The following PSD3 variants were observed in gnomAD, a reference collection of about 807,000 sequenced individuals.
The protein encoded by PSD3 is PH and SEC7 domain-containing protein 3.
A neutral mutation model predicts 105.5 loss-of-function variants in PSD3; 49 were observed. The ratio of observed to expected loss-of-function variants is 0.46; its 90% CI spans 0.37 to 0.59. PSD3 has a LOEUF of 0.59. Ranked by LOEUF, PSD3 falls within the 20% of genes least tolerant of loss-of-function variation. PSD3 has a pLI of 0.00. For synonymous variants in PSD3, 557 were observed against 457.8 expected (o/e 1.22, Z -2.77); for missense variants, 1,561 against 1,263.8 (o/e 1.24, Z -3.57).
At chr8:19,015,798 A>G (rs779169065), upstream of PSD3, among the ~76,000 whole-genome samples, 3 of 152,238 alleles carry the variant, frequency 2.0e-5, no homozygotes, top group Non-Finnish European at 4.4e-5. Flanking sequence ...CCTATAGTGA[A>G]TGTTCAATAG....
In PSD3 at chr8:18,594,195, C is replaced by CATATTATATAATATATATTATAT. The variant is rs1803853338; in HGVS notation, c.2481+6168_2481+6169insATATAATATATATTATATAATAT. ...ATTATATAATATATATTATTATATA[C>CATATTATATAATATATATTATAT]ATATTATATAATATATATTATTATA... On this transcript the variant is annotated intron_variant, in intron 12 of 15. Transcript: ENST00000327040. 3.7e-3 allele frequency among the ~76,000 whole-genome samples: 44 copies of CATATTATATAATATATATTATAT among 11,762 alleles called. 5 individuals are homozygous for CATATTATATAATATATATTATAT. Among genetic ancestry groups the CATATTATATAATATATATTATAT allele is most frequent in the African/African-American group, 0.014 (41 of 3,010 alleles). The allele number at this position is 11,762 out of a possible 152,430, so 7.7% of individuals were successfully genotyped here.
chr8:18,535,566 A>G lies in PSD3; in HGVS notation c.*177T>C, dbSNP rs1034326792. 1 of 613,290 alleles carries G rather than the reference A, an allele frequency of 1.6e-6. No individual in the cohort carries two copies. The highest frequency in any genetic ancestry group is 3.0e-5 in the Admixed American group (1 of 33,148). The allele number at this position is 613,290 out of a possible 1,614,324, so 38.0% of individuals were successfully genotyped here. A position where few individuals can be genotyped will look rare whatever the true frequency, so the allele number is the denominator to read the frequency against. ...GTTGCAAAAATCATCAAAGCAAAAG[A>G]AATCAAGAGCAAAGACAATCTGTAC... On this transcript the variant is annotated 3_prime_UTR_variant, in exon 16 of 16. Transcript: ENST00000327040.
chr8:18,535,834 G>C lies in PSD3; in HGVS notation c.3053C>G (p.Thr1018Ser), dbSNP rs769750010. ...SHSSPSLNPD[T>S]SPITAKVKRN... Reference sequence around the variant, plus strand: ...CTTGACTTTGGCAGTGATTGGAGAAGTATCCGGGTTCAGCGAAGGACTCGA... The same window carrying C: ...CTTGACTTTGGCAGTGATTGGAGAACTATCCGGGTTCAGCGAAGGACTCGA... The change falls in exon 16 of 16, where the codon ACT becomes AGT. Residue 1018 changes from threonine to serine, a missense_variant. Coordinates refer to ENST00000327040, the MANE Select transcript of PSD3 (RefSeq NM_015310.4). The C allele has an allele frequency of 6.2e-7, 1 of 1,613,986 alleles. No homozygotes were observed.
intron 1 of PSD3, among the ~76,000 whole-genome samples, chr8:19,057,544 T>C (rs951863367): frequency 1.3e-5 from 2 of 152,190 alleles, no homozygotes; most frequent in African/African-American, 4.8e-5. Context: ...AAATATTTCA[T>C]ACTGGTTGTA....
rs150780473 is a variant in PSD3 at position 18,801,703 on chromosome 8, G to A, written c.1911-321C>T. Among the ~76,000 whole-genome samples the A allele has an allele frequency of 9.8e-3, 1,497 of 152,140 alleles. 28 individuals carry two copies. The highest frequency in any genetic ancestry group is 0.041 in the Admixed American group (621 of 15,270). On this transcript the variant is annotated intron_variant, in intron 6 of 15. Transcript: ENST00000327040. Reference sequence around the variant, plus strand: ...AAATTAGCCGGGCATGGTGGTGGGCGCCTGTAATCCCAGCTACTCAGGAAG... The same window carrying A: ...AAATTAGCCGGGCATGGTGGTGGGCACCTGTAATCCCAGCTACTCAGGAAG...
chr8:18,682,505 A>C (rs948791112), intron 9 of PSD3, among the ~76,000 whole-genome samples: 1 of 152,182 alleles, frequency 6.6e-6, no homozygotes, highest in African/African-American at 2.4e-5. Context: ...AGGTCACATT[A>C]AAGGACTTTG....
intron 9 of PSD3, among the ~76,000 whole-genome samples, chr8:18,675,046 A>G (rs1316774059): frequency 7.7e-6 from 1 of 130,370 alleles, no homozygotes; most frequent in East Asian, 2.3e-4. Flanking sequence ...TCATCAATCT[A>G]TATAAATCTG....
At chr8:18,800,870 A>C (rs1810617861) in intron 7 of PSD3, 1 of 155,252 alleles carries the variant, frequency 6.4e-6, no homozygotes. Flanking sequence ...CCAAATGTAT[A>C]AGAAATAAGA....
At chr8:18,620,360 T>C (rs66763045) in intron 11 of PSD3, among the ~76,000 whole-genome samples, 8,757 of 149,932 alleles carry the variant, frequency 0.058, 332 homozygotes, top group East Asian at 0.13. Context: ...TTTTTTTTTT[T>C]CCCCAGGCTG....
At chr8:18,540,273 A>G (rs569933586) in intron 15 of PSD3, among the ~76,000 whole-genome samples, 2 of 152,234 alleles carry the variant, frequency 1.3e-5, no homozygotes, top group Non-Finnish European at 2.9e-5. Flanking sequence ...CACTTAACGG[A>G]TGACTGTATG....
intron 10 of PSD3, among the ~76,000 whole-genome samples, chr8:18,644,507 C>A (rs1292063647): frequency 6.6e-6 from 1 of 152,196 alleles, no homozygotes; most frequent in Non-Finnish European, 1.5e-5. Flanking sequence ...CCTTGTTCTT[C>A]ATTTCTACCT....
intron 2 of PSD3, among the ~76,000 whole-genome samples, chr8:18,915,110 T>C (rs1313056563): frequency 6.6e-6 from 1 of 151,982 alleles, no homozygotes; most frequent in East Asian, 1.9e-4. Context: ...AGAACATCAA[T>C]GAACAGTGCT....
At chr8:19,042,273 G>A (rs1019403371) in intron 1 of PSD3, among the ~76,000 whole-genome samples, 2 of 152,156 alleles carry the variant, frequency 1.3e-5, no homozygotes, top group African/African-American at 2.4e-5. Context: ...AGGTGACCCA[G>A]CTTCTAGAAT....
intron 9 of PSD3, among the ~76,000 whole-genome samples, chr8:18,681,163 G>T (rs1800365469): frequency 6.6e-6 from 1 of 152,154 alleles, no homozygotes; most frequent in African/African-American, 2.4e-5. Flanking sequence ...CGAACCACGA[G>T]TTAATGGTAT....
chr8:18,830,504 G>C (rs747562991), intron 4 of PSD3, among the ~76,000 whole-genome samples: 4 of 152,158 alleles, frequency 2.6e-5, no homozygotes, highest in Non-Finnish European at 5.9e-5. Context: ...CAGAACACAG[G>C]CACAATGCAA....
intron 12 of PSD3, among the ~76,000 whole-genome samples, chr8:18,582,384 G>A (rs991660385): frequency 6.6e-6 from 1 of 151,934 alleles, no homozygotes; most frequent in South Asian, 2.1e-4. Context: ...AACATCTCTG[G>A]TACCAGTTTT....
chr8:18,847,228 A>G (rs1298142040), intron 4 of PSD3, among the ~76,000 whole-genome samples: 2 of 152,180 alleles, frequency 1.3e-5, no homozygotes, highest in African/African-American at 2.4e-5. Flanking sequence ...CTGCAGTATG[A>G]TCTCCTACTG....
At chr8:18,630,790 T>C (rs769858614) in intron 11 of PSD3, among the ~76,000 whole-genome samples, 5 of 152,142 alleles carry the variant, frequency 3.3e-5, no homozygotes, top group South Asian at 4.2e-4. Flanking sequence ...TCTGTCTGCA[T>C]TGAATATGTA....
Position 18,530,305 on chromosome 8 carries a change from A to G in PSD3, c.*5438T>C, listed in dbSNP as rs1184840866. 1 of 152,568 alleles carries G rather than the reference A, an allele frequency of 6.6e-6. No individual in the cohort carries two copies. The highest frequency in any genetic ancestry group is 2.4e-5 in the African/African-American group (1 of 41,466). 9.5% of individuals were successfully genotyped at this position (152,568 alleles called of 1,614,324 possible). A position where few individuals can be genotyped will look rare whatever the true frequency, so the allele number is the denominator to read the frequency against. On this transcript the variant is annotated 3_prime_UTR_variant, in exon 16 of 16. Transcript: ENST00000327040. ...GAAAAAGAGACCTAAGTATAAAAAT[A>G]TTTAAAATAAAGTTTAAACCTGGTC...
Sources: gnomAD v4.1 joint callset for allele counts (sites outside exome capture counted in the v4.1 genomes callset) on GRCh38, gnomAD v4.1.1 for gene constraint, MANE v1.5 for transcripts, NCBI Gene and HGNC (gene_info 2026-07-23, HGNC 2026-07-21) for gene names.